Variants in CLRN2 observed in about 807,000 individuals in gnomAD.
CLRN2 encodes clarin-2.
Under a neutral mutation model 20.1 loss-of-function variants are expected in CLRN2, and 17 were observed. The ratio of observed to expected loss-of-function variants is 0.85; its 90% CI spans 0.58 to 1.27. CLRN2 has a LOEUF of 1.27. Among genes scored for constraint, CLRN2 ranks in the 50% most tolerant of loss-of-function variants. The pLI is 0.00. For missense variants in CLRN2, 288 were observed against 299.5 expected (o/e 0.96, Z 0.28); for synonymous variants, 140 against 126.9 (o/e 1.10, Z -0.70).
chr4:17,521,759 T>G (rs1711841501), intron 1 of CLRN2, among the ~76,000 whole-genome samples: 2 of 152,230 alleles, frequency 1.3e-5, no homozygotes, highest in South Asian at 4.1e-4. Context: ...TCAAATTCAC[T>G]TAGTTCTGAT....
chr4:17,515,616 C>A, intron 1 of CLRN2, 97 bp downstream of exon 1: 2 of 1,371,766 alleles, frequency 1.5e-6, no homozygotes, highest in Non-Finnish European at 1.0e-6. Context: ...GCTGCTGCCT[C>A]AACGTCAGGC....
chr4:17,518,043 A>G (rs1184224000), intron 1 of CLRN2, among the ~76,000 whole-genome samples: 1 of 137,502 alleles, frequency 7.3e-6, no homozygotes, highest in African/African-American at 2.7e-5. Flanking sequence ...TCTTTCTGCC[A>G]TTCACTATCC....
intron 1 of CLRN2, among the ~76,000 whole-genome samples, chr4:17,517,742 T>C (rs1711715402): frequency 6.6e-6 from 1 of 152,068 alleles, no homozygotes; most frequent in African/African-American, 2.4e-5. Flanking sequence ...TAGGAGCGTA[T>C]TTGAGAAGGT....
In CLRN2 at chr4:17,519,478, T is replaced by TTC. The variant is rs553315674; in HGVS notation, c.254-3383_254-3382dup. Among the ~76,000 whole-genome samples the TTC allele has an allele frequency of 5.3e-5, 8 of 152,330 alleles. No individual in the cohort carries two copies. The South Asian group carries it at 1.4e-3, about 28-fold the overall frequency. ...TGGGAGCGTAGCTAAGCTATTTCAC[T>TTC]TCTCCGAGCCTCAGTTTCCTCATTT... On this transcript the variant is annotated intron_variant, in intron 1 of 2. Coordinates refer to ENST00000511148, the MANE Select transcript of CLRN2 (RefSeq NM_001079827.2).
At chr4:17,525,946 T>C (rs569760318) in intron 2 of CLRN2, among the ~76,000 whole-genome samples, 1 of 152,140 alleles carries the variant, frequency 6.6e-6, no homozygotes, top group South Asian at 2.1e-4. Context: ...ATTAAAAATA[T>C]TAATTAAAAT....
intron 2 of CLRN2, among the ~76,000 whole-genome samples, chr4:17,525,116 A>T (rs1217771701): frequency 6.6e-6 from 1 of 152,218 alleles, no homozygotes; most frequent in African/African-American, 2.4e-5. Context: ...ATGCTAAGGA[A>T]ATACTGGACA....
chr4:17,527,028 G>A lies in CLRN2; in HGVS notation c.645G>A (p.Glu215=), dbSNP rs1711995480. Residue 215 remains glutamate, a synonymous_variant, in exon 3 of 3, where the codon GAG becomes GAA. Coordinates refer to ENST00000511148, the MANE Select transcript of CLRN2 (RefSeq NM_001079827.2). ...CGATCAGTCAAATTCCCCTCCCTGA[G>A]ATTAAGACCAAAATCGAAGAGGCCA... The part of the protein sequence containing the change: ...VVAISQIPLP[E]IKTKIEEATV... The A allele has an allele frequency of 1.9e-6, 3 of 1,614,012 alleles. No individual in the cohort carries two copies. The East Asian group carries it at 6.7e-5, about 36-fold the overall frequency.
At chr4:17,520,335 A>C (rs1031870113) in intron 1 of CLRN2, among the ~76,000 whole-genome samples, 2 of 152,228 alleles carry the variant, frequency 1.3e-5, no homozygotes, top group African/African-American at 4.8e-5. Flanking sequence ...TAAAAGATGA[A>C]TTATATACAT....
chr4:17,526,522 T>G (rs1019474556), intron 2 of CLRN2, among the ~76,000 whole-genome samples: 4 of 152,190 alleles, frequency 2.6e-5, no homozygotes, highest in Non-Finnish European at 5.9e-5. Flanking sequence ...ATGGTGCCAC[T>G]GCACTCCAGC....
At chr4:17,516,034 C>T (rs1577199641) in intron 1 of CLRN2, among the ~76,000 whole-genome samples, 1 of 152,188 alleles carries the variant, frequency 6.6e-6, no homozygotes, top group Non-Finnish European at 1.5e-5. Flanking sequence ...AGAACTGAAC[C>T]TTTGGGAAGC....
At chr4:17,515,687 T>C (rs1339188517) in intron 1 of CLRN2, among the ~76,000 whole-genome samples, 168 bp downstream of exon 1, 1 of 152,204 alleles carries the variant, frequency 6.6e-6, no homozygotes, top group Non-Finnish European at 1.5e-5. Flanking sequence ...GATCTTTCCT[T>C]CCTTCCTTGC....
intron 1 of CLRN2, among the ~76,000 whole-genome samples, chr4:17,517,739 G>A (rs1451271733): frequency 1.3e-5 from 2 of 152,150 alleles, no homozygotes; most frequent in Admixed American, 6.5e-5. Flanking sequence ...GAGTAGGAGC[G>A]TATTTGAGAA....
chr4:17,522,763 T>G, intron 1 of CLRN2, 101 bp from the exon 2 acceptor site: 1 of 1,282,582 alleles, frequency 7.8e-7, no homozygotes, highest in South Asian at 1.4e-5. Context: ...TGTCTTGCCC[T>G]CACCCCTGTC....
chr4:17,519,359 A>G (rs1027815669), intron 1 of CLRN2, among the ~76,000 whole-genome samples: 3 of 152,210 alleles, frequency 2.0e-5, no homozygotes, highest in African/African-American at 7.2e-5. Flanking sequence ...AAAAGACTCT[A>G]TGTTTAGAAT....
chr4:17,515,584 T>C, intron 1 of CLRN2, 65 bp downstream of exon 1: 1 of 1,545,772 alleles, frequency 6.5e-7, no homozygotes, highest in East Asian at 2.3e-5. Flanking sequence ...GTAAGAGTGC[T>C]TATGTCTCAT....
chr4:17,517,723 G>T (rs1187737096), intron 1 of CLRN2, among the ~76,000 whole-genome samples: 2 of 152,264 alleles, frequency 1.3e-5, no homozygotes, highest in South Asian at 2.1e-4. Context: ...TTTTATTCTT[G>T]TCCCTGAGTA....
chr4:17,527,093 C>G lies in CLRN2; in HGVS notation c.*11C>G. 6.2e-7 allele frequency: 1 copy of G among 1,612,814 alleles called. No homozygotes were observed. The highest frequency in any genetic ancestry group is 8.5e-7 in the Non-Finnish European group (1 of 1,179,418). The stretch of plus-strand genomic sequence containing the variant: ...GATATCTTGTATTAATAGCCTTCCC[C>G]TGTTCACAACCTGTCCTAAGTCAGT... On this transcript the variant is annotated 3_prime_UTR_variant, in exon 3 of 3. Coordinates refer to ENST00000511148, the MANE Select transcript of CLRN2 (RefSeq NM_001079827.2).
At position 17,526,968 on chromosome 4, in the gene CLRN2, C is replaced by G; in HGVS notation, c.585C>G (p.Ser195Arg). 6.2e-7 allele frequency: 1 copy of G among 1,614,018 alleles called. No homozygotes were observed. The highest frequency in any genetic ancestry group is 1.1e-5 in the South Asian group (1 of 91,086). ...YEESFWICVA[S>R]ASAHAANLVV... Reference sequence around the variant, plus strand: ...AGTCGTTTTGGATCTGCGTGGCCAGCGCTTCGGCCCATGCTGCAAACTTGG... The same window carrying G: ...AGTCGTTTTGGATCTGCGTGGCCAGGGCTTCGGCCCATGCTGCAAACTTGG... The change falls in exon 3 of 3, where the codon AGC (serine) becomes AGG (arginine). Residue 195 changes from serine (S) to arginine (R), a missense_variant. By Grantham distance (110) the Ser-to-Arg change is moderately radical. Coordinates refer to ENST00000511148, the MANE Select transcript of CLRN2 (RefSeq NM_001079827.2).
At chr4:17,523,815 C>T (rs751270109) in intron 2 of CLRN2, among the ~76,000 whole-genome samples, 1 of 147,308 alleles carries the variant, frequency 6.8e-6, no homozygotes, top group Non-Finnish European at 1.5e-5. Flanking sequence ...GGTGTTCCCC[C>T]CACACACACA....
Sources: gnomAD v4.1 joint callset for allele counts (sites outside exome capture counted in the v4.1 genomes callset) on GRCh38, gnomAD v4.1.1 for gene constraint, MANE v1.5 for transcripts, NCBI Gene and HGNC (gene_info 2026-07-23, HGNC 2026-07-21) for gene names.